The following CCDC88B variants were observed in gnomAD, a reference collection of about 807,000 sequenced individuals.
The protein encoded by CCDC88B is coiled-coil domain-containing protein 88B.
CCDC88B carries 138 observed loss-of-function variants against 183.7 expected under a neutral mutation model. The observed-to-expected ratio is 0.75, with a 90% CI of 0.65 to 0.87. CCDC88B has a LOEUF of 0.87. Among genes scored for constraint, CCDC88B ranks in the 40% least tolerant of loss-of-function variants. The probability of loss-of-function intolerance (pLI) is 0.00; values close to 1 mark genes in which losing one functional copy is unlikely to be tolerated. For missense variants in CCDC88B, 1,822 were observed against 1,965.6 expected, an observed-to-expected ratio of 0.93 and a Z score of 1.38; for synonymous variants, 835 against 867.5, an observed-to-expected ratio of 0.96 and a Z score of 0.66.
chr11:64,352,142 G>A lies in CCDC88B; in HGVS notation c.3112G>A (p.Val1038Met). The change falls in exon 19 of 27, where the codon GTG becomes ATG. Residue 1038 changes from valine (V) to methionine (M), a missense_variant. Val to Met is a conservative substitution (Grantham distance 21, BLOSUM62 1). Transcript: ENST00000356786. Reference sequence around the variant, plus strand: ...TCCTCCATCCTAGGCCGAGAAGTCTGTGCTGGAGATTCAGGGCCAGGAGCT... The same window carrying A: ...TCCTCCATCCTAGGCCGAGAAGTCTATGCTGGAGATTCAGGGCCAGGAGCT... ...HSSRLQAEKSVLEIQGQELHR... is the reference protein window; with the variant it reads ...HSSRLQAEKSMLEIQGQELHR... 1 of 1,582,564 alleles carries A rather than the reference G, an allele frequency of 6.3e-7. No individual in the cohort carries two copies. Among genetic ancestry groups the A allele is most frequent in the Non-Finnish European group, 8.6e-7 (1 of 1,160,012 alleles).
rs1008130360 is a variant in CCDC88B, at chr11:64,352,784, C to T, written c.3397C>T (p.Gln1133Ter). ...GGCCCAGCGGGCCAGCGTGGAGGCA[C>T]AGGAGGTGGCCCTGCTGGCAGAGCG... ...LQAQRASVEA[Q>*]EVALLAERER... The change falls in exon 20 of 27, where the codon CAG becomes TAG. Residue 1133 changes from glutamine to a stop codon, truncating the protein, a stop_gained. Transcript: ENST00000356786. LOFTEE classifies it high-confidence loss of function. 1.2e-6 allele frequency: 2 copies of T among 1,613,414 alleles called. No homozygotes were observed. Among genetic ancestry groups the T allele is most frequent in the Non-Finnish European group, 1.7e-6 (2 of 1,180,000 alleles).
chr11:64,340,975 G>C lies in CCDC88B; in HGVS notation c.275G>C (p.Trp92Ser). Reference sequence around the variant, plus strand: ...GACGGACCTGCTGCCTGGCGAGTGTGGAACCTGAACCACCTGTGGGGCCGA... The same window carrying C: ...GACGGACCTGCTGCCTGGCGAGTGTCGAACCTGAACCACCTGTGGGGCCGA... ...GLDGPAAWRV[W>S]NLNHLWGRLR... The change falls in exon 3 of 27, where the codon TGG becomes TCG. Residue 92 changes from tryptophan to serine, a missense_variant. By Grantham distance (177) the Trp-to-Ser change is radical. Coordinates refer to ENST00000356786, the MANE Select transcript of CCDC88B (RefSeq NM_032251.6). 3 of 1,605,706 alleles carry C rather than the reference G, an allele frequency of 1.9e-6. No homozygotes were observed. The highest frequency in any genetic ancestry group is 2.6e-6 in the Non-Finnish European group (3 of 1,175,294).
At chr11:64,356,628 C>A (rs2036554568) in intron 26 of CCDC88B, 1 of 245,992 alleles carries the variant, frequency 4.1e-6, no homozygotes. Flanking sequence ...CGTCACAGGC[C>A]AACCCCATCT....
chr11:64,352,203 G>T lies in CCDC88B; in HGVS notation c.3173G>T (p.Arg1058Leu), dbSNP rs902503769. 6 of 1,608,340 alleles carry T rather than the reference G, an allele frequency of 3.7e-6. No homozygotes were observed. Among genetic ancestry groups the T allele is most frequent in the Non-Finnish European group, 5.1e-6 (6 of 1,176,102 alleles). ...CTGGAGGTGCTGGAGGAGGAGGTGC[G>T]GGCGGCACGGCAGTCCCAGGAGGAG... is the stretch of plus-strand genomic sequence containing the variant. ...RKLEVLEEEVRAARQSQEETR... is the reference protein window; with the variant it reads ...RKLEVLEEEVLAARQSQEETR... The change falls in exon 19 of 27, where the codon CGG (arginine) becomes CTG (leucine). Residue 1058 changes from arginine to leucine, a missense_variant. By Grantham distance (102) the Arg-to-Leu change is moderately radical (BLOSUM62 -2). Transcript: ENST00000356786.
At position 64,343,731 on chromosome 11, in the gene CCDC88B, G is replaced by A. The variant is rs375276545; in HGVS notation, c.1319-47G>A. The A allele has an allele frequency of 1.3e-4, 199 of 1,529,024 alleles. 2 individuals carry two copies. In the African/African-American group the frequency reaches 2.4e-3, roughly 19 times the overall value. The allele number at this position is 1,529,024 out of a possible 1,614,324, so 94.7% of individuals were successfully genotyped here. A position where few individuals can be genotyped will look rare whatever the true frequency, so the allele number is the denominator to read the frequency against. On this transcript the variant is annotated intron_variant, in intron 12 of 26. Coordinates refer to ENST00000356786, the MANE Select transcript of CCDC88B (RefSeq NM_032251.6). The stretch of plus-strand genomic sequence containing the variant: ...CAAGCCTCTGGGGTGTGTATGTGAG[G>A]AGCCAGGCAGTAAAGGAGGGGTCCT...
In CCDC88B at chr11:64,349,370, G is replaced by C; in HGVS notation, c.2656G>C (p.Asp886His). 4 of 1,612,724 alleles carry C rather than the reference G, an allele frequency of 2.5e-6. No individual in the cohort carries two copies. Among genetic ancestry groups the C allele is most frequent in the Non-Finnish European group, 3.4e-6 (4 of 1,179,708 alleles). The change falls in exon 15 of 27, where the codon GAC (aspartate) becomes CAC (histidine). Residue 886 changes from aspartate to histidine, a missense_variant. Coordinates refer to ENST00000356786, the MANE Select transcript of CCDC88B (RefSeq NM_032251.6). ...TGTGGTGCGGGGCAAGGAGTTGGGG[G>C]ACCGGCTGGAGCATTTGCAGCGTGA... ...KAVVRGKELG[D>H]RLEHLQRELE...
chr11:64,344,751 T>A lies in CCDC88B; in HGVS notation c.2210T>A (p.Leu737Ter). 6.2e-7 allele frequency: 1 copy of A among 1,612,922 alleles called. No individual in the cohort carries two copies. The highest frequency in any genetic ancestry group is 2.2e-5 in the East Asian group (1 of 44,798). The change falls in exon 14 of 27, where the codon TTG becomes TAG. Residue 737 changes from leucine (L) to a stop codon, truncating the protein, a stop_gained. Transcript: ENST00000356786. LOFTEE classifies it high-confidence loss of function. This position sits in a 1 kb window ranked among gnomAD's most constrained non-coding sequence, Gnocchi z 4.5. Reference sequence around the variant, plus strand: ...GCCCTCAGGGAGGAGGTGGCACAGTTGAGGAGAAAGGCTGAGGCCCTTGGA... The same window carrying A: ...GCCCTCAGGGAGGAGGTGGCACAGTAGAGGAGAAAGGCTGAGGCCCTTGGA... ...QEALREEVAQ[L>*]RRKAEALGDE...
chr11:64,353,281 G>A, intron 21 of CCDC88B, 41 bp downstream of exon 21: 1 of 1,577,280 alleles, frequency 6.3e-7, no homozygotes, highest in Non-Finnish European at 8.6e-7. Flanking sequence ...CGTGTGGTGG[G>A]GCAGAAAGCC....
At chr11:64,349,216 G>A in intron 14 of CCDC88B, 115 bp from the exon 15 acceptor site, 2 of 1,240,220 alleles carry the variant, frequency 1.6e-6, no homozygotes, top group Non-Finnish European at 2.2e-6. Context: ...AAGGCTTAAT[G>A]ATACGTGCCC....
Position 64,349,980 on chromosome 11 carries a change from G to A in CCDC88B, c.2862+312G>A, listed in dbSNP as rs576842274. Reference sequence around the variant, plus strand: ...AGTGTTTGGCATCAAGGAAGCCAGCGATGGTTTCTGATACCCAGGCTGTGT... The same window carrying A: ...AGTGTTTGGCATCAAGGAAGCCAGCAATGGTTTCTGATACCCAGGCTGTGT... On this transcript the variant is annotated intron_variant, in intron 16 of 26. Coordinates refer to ENST00000356786, the MANE Select transcript of CCDC88B (RefSeq NM_032251.6). 14 of 415,114 alleles carry A rather than the reference G, an allele frequency of 3.4e-5. No individual in the cohort carries two copies. In the South Asian group the frequency reaches 3.8e-4, roughly 11 times the overall value. 25.7% of individuals were successfully genotyped at this position (415,114 alleles called of 1,614,324 possible).
Position 64,343,846 on chromosome 11 carries a change from A to G in CCDC88B, c.1387A>G (p.Thr463Ala), listed in dbSNP as rs1445985396. ...VREAEAGRLR[T>A]LERENRELRG... ...GGAGGCAGAGGCTGGGCGGCTTCGG[A>G]CCCTTGAGAGGGAGAACCGGGAGCT... The change falls in exon 13 of 27, where the codon ACC becomes GCC. Residue 463 changes from threonine to alanine, a missense_variant. Transcript: ENST00000356786. 3 of 1,601,486 alleles carry G rather than the reference A, an allele frequency of 1.9e-6. No individual in the cohort carries two copies. In the African/African-American group the frequency reaches 4.0e-5, roughly 21 times the overall value.
chr11:64,352,671 T>A, intron 19 of CCDC88B, 73 bp from the exon 20 acceptor site: 14 of 1,602,288 alleles, frequency 8.7e-6, no homozygotes, highest in Non-Finnish European at 1.1e-5. Flanking sequence ...CCGCCCCGGG[T>A]CCAGATAGTC....
Position 64,349,638 on chromosome 11 carries a change from G to A in CCDC88B, c.2832G>A (p.Arg944=), listed in dbSNP as rs753374330. The change falls in exon 16 of 27, where the codon AGG becomes AGA. Residue 944 remains arginine (R), a synonymous_variant. Coordinates refer to ENST00000356786, the MANE Select transcript of CCDC88B (RefSeq NM_032251.6). The part of the protein sequence containing the change: ...KEEALMELKT[R]ALQLEEELFQ... ...AGGCGCTGATGGAGCTCAAGACCAG[G>A]GCCCTGCAGCTGGAAGAGGAGCTGT... 17 of 1,598,322 alleles carry A rather than the reference G, an allele frequency of 1.1e-5. No homozygotes were observed. Among genetic ancestry groups the A allele is most frequent in the Middle Eastern group, 1.8e-4 (1 of 5,636 alleles).
intron 14 of CCDC88B, among the ~76,000 whole-genome samples, chr11:64,348,414 G>T (rs2036200769): frequency 6.6e-6 from 1 of 152,008 alleles, no homozygotes; most frequent in Non-Finnish European, 1.5e-5. Flanking sequence ...CCAGGGCCCG[G>T]AGGAGGGCAG....
chr11:64,341,372 G>A (rs776574188), intron 5 of CCDC88B, 44 bp downstream of exon 5: 3 of 1,613,964 alleles, frequency 1.9e-6, no homozygotes, highest in Non-Finnish European at 2.5e-6. Flanking sequence ...GAGCTTTGGC[G>A]GTAGAGGAGG....
At chr11:64,352,501 GC>G (rs2036377528) in intron 19 of CCDC88B, 115 bp downstream of exon 19, 1 of 1,411,728 alleles carries the variant, frequency 7.1e-7, no homozygotes, top group Non-Finnish European at 9.4e-7. Context: ...GCTCTGTGAT[GC>G]CCCGGCCACT....
chr11:64,343,575 T>C lies in CCDC88B; in HGVS notation c.1278T>C (p.Leu426=). The C allele has an allele frequency of 6.4e-7, 1 of 1,551,822 alleles. No individual in the cohort carries two copies. Among genetic ancestry groups the C allele is most frequent in the Non-Finnish European group, 8.7e-7 (1 of 1,147,064 alleles). ...AEENVELELE[L]QRSLEPPPGS... ...AGAATGTGGAGCTGGAGCTGGAGCT[T>C]CAGCGGAGCTTGGAGCCACCTCCAG... The change falls in exon 12 of 27, where the codon CTT becomes CTC. Residue 426 remains leucine, a synonymous_variant. Coordinates refer to ENST00000356786, the MANE Select transcript of CCDC88B (RefSeq NM_032251.6).
intron 7 of CCDC88B, 48 bp downstream of exon 7, chr11:64,341,790 C>T (rs747209129): frequency 1.3e-6 from 2 of 1,537,558 alleles, no homozygotes; most frequent in Admixed American, 2.2e-5. Context: ...AACTGGAGGA[C>T]CATCAGGGAG....
chr11:64,355,209 C>A lies in CCDC88B; in HGVS notation c.4115C>A (p.Ala1372Glu). The A allele has an allele frequency of 6.7e-7, 1 of 1,494,558 alleles. No individual in the cohort carries two copies. Among genetic ancestry groups the A allele is most frequent in the South Asian group, 1.4e-5 (1 of 71,350 alleles). 92.6% of individuals were successfully genotyped at this position (1,494,558 alleles called of 1,614,324 possible). The change falls in exon 25 of 27, where the codon GCA becomes GAA. Residue 1372 changes from alanine to glutamate, a missense_variant. Coordinates refer to ENST00000356786, the MANE Select transcript of CCDC88B (RefSeq NM_032251.6). ...EADGTGSPSP[A>E]PMRRAQSSLC... ...CCTCTTGCAGGGTCCCCTTCCCCGG[C>A]ACCCATGCGCCGGGCCCAGAGCTCC...
Sources: gnomAD v4.1 joint callset for allele counts (sites outside exome capture counted in the v4.1 genomes callset) on GRCh38, gnomAD v4.1.1 for gene constraint, Gnocchi (gnomAD v3.1) non-coding constraint, MANE v1.5 for transcripts, NCBI Gene and HGNC (gene_info 2026-07-23, HGNC 2026-07-21) for gene names.